The following EFHC2 variants were observed in gnomAD, a reference collection of about 807,000 sequenced individuals.
EFHC2 encodes EF-hand domain containing 2, also known as EF-hand domain-containing family member C2.
Under a neutral mutation model 52.7 loss-of-function variants are expected in EFHC2, and 18 were observed. The ratio of observed to expected loss-of-function variants is 0.34; its 90% CI spans 0.24 to 0.51. The LOEUF is 0.51. EFHC2 is among the 20% of genes least tolerant of loss of function. The pLI is 0.97. For synonymous variants in EFHC2, 203 were observed against 204.1 expected (o/e 0.99, Z 0.04); for missense variants, 513 against 562.5 (o/e 0.91, Z 0.89).
intron 10 of EFHC2, among the ~76,000 whole-genome samples, chrX:44,230,753 A>G (rs1297132607): frequency 9.0e-6 from 1 of 111,448 alleles, no homozygotes; most frequent in Non-Finnish European, 1.9e-5. Flanking sequence ...TGCTATATAT[A>G]TTTTATATTA....
chrX:44,277,258 CAAAAAAA>C (rs753856788), intron 2 of EFHC2, among the ~76,000 whole-genome samples: 8 of 21,821 alleles, frequency 3.7e-4, no homozygotes, highest in Non-Finnish European at 7.4e-4. Flanking sequence ...GACTCCAGCT[CAAAAAAA>C]AAAAAAAAAA....
chrX:44,229,741 C>G lies in EFHC2; in HGVS notation c.1659G>C (p.Leu553=), dbSNP rs901375811. The G allele has an allele frequency of 2.5e-5, 30 of 1,208,273 alleles. No individual in the cohort carries two copies. Among genetic ancestry groups the G allele is most frequent in the Non-Finnish European group, 3.4e-5 (30 of 894,510 alleles). Residue 553 remains leucine (L), a synonymous_variant, in exon 11 of 15, where the codon CTG becomes CTC. Transcript: ENST00000420999. ...CTCTGGATTTTCCTTCTTCTTGCTT[C>G]AGCTTTTGTAGGGCAAGTTTGAGGT... is the stretch of plus-strand genomic sequence containing the variant. ...FSNLKLALQK[L]KQEEGKSREL...
At chrX:44,317,042 GAAA>G (rs944311848) in intron 1 of EFHC2, among the ~76,000 whole-genome samples, 2 of 112,127 alleles carry the variant, frequency 1.8e-5, no homozygotes, top group African/African-American at 6.5e-5. Context: ...ACATAGAAAT[GAAA>G]ACTTAAGACA....
At chrX:44,271,491 C>T (rs1439149811) in intron 3 of EFHC2, among the ~76,000 whole-genome samples, 1 of 111,230 alleles carries the variant, frequency 9.0e-6, no homozygotes. Context: ...TGGCAATACT[C>T]TAAAAGGCAA....
At chrX:44,342,653 G>A (rs1489022238) in intron 1 of EFHC2, among the ~76,000 whole-genome samples, 1 of 110,618 alleles carries the variant, frequency 9.0e-6, no homozygotes, top group Non-Finnish European at 1.9e-5. Context: ...GAGGCGGGCA[G>A]ATCACTTGAG....
In EFHC2 at chrX:44,165,603, A is replaced by G. The variant is rs900375090; in HGVS notation, c.2043-1576T>C. ...TTTTTAGCACAGAGCCTTGAAAGAA[A>G]GTATTTCCTAATATCCTGAGTAGGA... On this transcript the variant is annotated intron_variant, in intron 13 of 14. Coordinates refer to ENST00000420999, the MANE Select transcript of EFHC2 (RefSeq NM_025184.4). Among the ~76,000 whole-genome samples the G allele has an allele frequency of 3.6e-5, 4 of 112,217 alleles. No homozygotes were observed. The Admixed American group carries it at 3.8e-4, about 11-fold the overall frequency.
chrX:44,176,531 G>A (rs903169853), intron 12 of EFHC2, 147 bp from the exon 13 acceptor site: 10 of 437,750 alleles, frequency 2.3e-5, no homozygotes, highest in Non-Finnish European at 3.4e-5. Context: ...TTCACAATAA[G>A]GAAGAACAGT....
chrX:44,208,187 T>G (rs1359247658), intron 11 of EFHC2, among the ~76,000 whole-genome samples: 1 of 112,329 alleles, frequency 8.9e-6, no homozygotes, highest in Non-Finnish European at 1.9e-5. Context: ...CTTTATCCAG[T>G]CCACTGTTGA....
chrX:44,295,716 C>T lies in EFHC2; in HGVS notation c.231+16852G>A, dbSNP rs1265973460. On this transcript the variant is annotated intron_variant, in intron 2 of 14. Coordinates refer to ENST00000420999, the MANE Select transcript of EFHC2 (RefSeq NM_025184.4). ...ATGAAAGGGAGATTTCAGAGGGAGA[C>T]GAGAGGACTTAGGTCAACTGATCAG... is the stretch of plus-strand genomic sequence containing the variant. Among the ~76,000 whole-genome samples the T allele has an allele frequency of 8.2e-5, 9 of 110,420 alleles. 1 individual carries two copies. The highest frequency in any genetic ancestry group is 3.9e-4 in the South Asian group (1 of 2,555).
chrX:44,174,653 G>C (rs779585333), intron 13 of EFHC2, among the ~76,000 whole-genome samples: 193 of 101,362 alleles, frequency 1.9e-3, no homozygotes, highest in Middle Eastern at 4.8e-3. Flanking sequence ...AAAAAAAAAG[G>C]GGGGGGGAGG....
intron 1 of EFHC2, among the ~76,000 whole-genome samples, chrX:44,334,648 T>C (rs909643265): frequency 9.0e-6 from 1 of 111,517 alleles, no homozygotes; most frequent in Non-Finnish European, 1.9e-5. Flanking sequence ...GCTAGTTTTG[T>C]ATTTTTAGTA....
chrX:44,286,225 C>T (rs995932943), intron 2 of EFHC2: 2 of 113,802 alleles, frequency 1.8e-5, no homozygotes, highest in Non-Finnish European at 3.7e-5. Context: ...GGGAGAACAC[C>T]CATCGCCTCT....
intron 3 of EFHC2, among the ~76,000 whole-genome samples, chrX:44,267,212 AC>A (rs1282529347): frequency 8.9e-6 from 1 of 112,220 alleles, no homozygotes; most frequent in Non-Finnish European, 1.9e-5. Flanking sequence ...TACTGGATTA[AC>A]CTCTGACATT....
At chrX:44,192,465 A>G (rs2036929190) in intron 11 of EFHC2, among the ~76,000 whole-genome samples, 1 of 111,423 alleles carries the variant, frequency 9.0e-6, no homozygotes, top group South Asian at 3.7e-4. Context: ...CTTCTATGTG[A>G]CCTTTCACAT....
At chrX:44,211,239 A>G (rs2037092684) in intron 11 of EFHC2, among the ~76,000 whole-genome samples, 1 of 112,663 alleles carries the variant, frequency 8.9e-6, no homozygotes, top group African/African-American at 3.2e-5. Flanking sequence ...TTTAAAAAAC[A>G]GTTTGGAGGC....
intron 3 of EFHC2, among the ~76,000 whole-genome samples, chrX:44,272,023 A>G (rs192228486): frequency 1.5e-3 from 171 of 112,184 alleles, no homozygotes; most frequent in African/African-American, 4.8e-3. Context: ...CAGCATCCCA[A>G]GAGAAGGACC....
At chrX:44,222,481 A>C (rs1443742124) in intron 11 of EFHC2, among the ~76,000 whole-genome samples, 1 of 112,274 alleles carries the variant, frequency 8.9e-6, no homozygotes, top group Non-Finnish European at 1.9e-5. Flanking sequence ...CCTGTTTTTA[A>C]TCCAATACCT....
chrX:44,220,053 TA>T (rs981299588), intron 11 of EFHC2, among the ~76,000 whole-genome samples: 1 of 111,806 alleles, frequency 8.9e-6, no homozygotes, highest in Non-Finnish European at 1.9e-5. Flanking sequence ...TTGCTCATTG[TA>T]AAAAAAAGTA....
intron 11 of EFHC2, among the ~76,000 whole-genome samples, chrX:44,220,090 AC>A (rs2037182181): frequency 8.9e-6 from 1 of 112,166 alleles, no homozygotes; most frequent in Non-Finnish European, 1.9e-5. Flanking sequence ...AGCATACTCC[AC>A]TAATAGCTTC....
Sources: allele counts gnomAD v4.1 joint callset (sites outside exome capture counted in the v4.1 genomes callset), GRCh38; gene constraint gnomAD v4.1.1; transcripts MANE v1.5; gene names NCBI Gene and HGNC (gene_info 2026-07-23, HGNC 2026-07-21).